The following ACTN3 variants were observed in gnomAD, a reference collection of about 807,000 sequenced individuals.
ACTN3 encodes the protein actinin alpha 3, also known as alpha-actinin-3.
In ACTN3, 91 loss-of-function variants were observed where a neutral mutation model predicts 119.6. That is an observed-to-expected ratio of 0.76 (90% CI 0.64 to 0.91). The LOEUF (loss-of-function observed/expected upper bound fraction) is 0.91. ACTN3 is among the 40% of genes least tolerant of loss of function. The pLI, the probability that ACTN3 is intolerant of heterozygous loss-of-function variation, is 0.00. For synonymous variants in ACTN3, 456 were observed against 478.8 expected, an observed-to-expected ratio of 0.95 and a Z score of 0.62; for missense variants, 1,221 against 1,215.1, an observed-to-expected ratio of 1.00 and a Z score of -0.07.
Position 66,558,190 on chromosome 11 carries a change from T to A in ACTN3, c.1276+16T>A. ...TGGACCCGGGGTAGGTAGACCTACC[T>A]CATGGGGCTGGACTGTCTCTTGGGG... On this transcript the variant is annotated intron_variant, in intron 11 of 20. Transcript: ENST00000513398. The A allele has an allele frequency of 6.2e-7, 1 of 1,611,074 alleles. No homozygotes were observed. The highest frequency in any genetic ancestry group is 8.5e-7 in the Non-Finnish European group (1 of 1,179,766).
At chr11:66,562,682 T>C in intron 19 of ACTN3, 114 bp from the exon 20 acceptor site, 1 of 1,218,380 alleles carries the variant, frequency 8.2e-7, no homozygotes, top group Non-Finnish European at 1.2e-6. Context: ...GGAAGGGAAC[T>C]CCCTTGTTAC....
intron 3 of ACTN3, 89 bp downstream of exon 3, chr11:66,551,736 T>A: frequency 1.9e-6 from 3 of 1,552,272 alleles, no homozygotes; most frequent in Non-Finnish European, 2.6e-6. Flanking sequence ...AGTTTCCTCA[T>A]CTCAGCAATG....
rs769295218 is a variant in ACTN3 at position 66,561,535 on chromosome 11, C to G, written c.2073C>G (p.Asn691Lys). The change falls in exon 17 of 21, where the codon AAC becomes AAG. Residue 691 changes from asparagine to lysine, a missense_variant. Transcript: ENST00000513398. Reference protein sequence around the residue: ...QMAGLRQQEQNIINYKTNIDR... With the variant: ...QMAGLRQQEQKIINYKTNIDR... ...CTGGGCTACGGCAGCAGGAGCAGAA[C>G]ATTATCAACTACAAGACTAACATTG... 21 of 1,610,770 alleles carry G rather than the reference C, an allele frequency of 1.3e-5. No individual in the cohort carries two copies. The highest frequency in any genetic ancestry group is 1.8e-5 in the Non-Finnish European group (21 of 1,178,586).
At position 66,561,503 on chromosome 11, in the gene ACTN3, C is replaced by A; in HGVS notation, c.2041C>A (p.Gln681Lys). 6.2e-7 allele frequency: 1 copy of A among 1,605,026 alleles called. No individual in the cohort carries two copies. Among genetic ancestry groups the A allele is most frequent in the Non-Finnish European group, 8.5e-7 (1 of 1,175,934 alleles). The change falls in exon 17 of 21, where the codon CAG (glutamine) becomes AAG (lysine). Residue 681 changes from glutamine to lysine, a missense_variant. By Grantham distance (53) the Gln-to-Lys change is moderately conservative. Transcript: ENST00000513398. ...AGGGCTAGCTGGCTCTCTGGAGGAG[C>A]AGATGGCTGGGCTACGGCAGCAGGA... is the stretch of plus-strand genomic sequence containing the variant. ...AAGLAGSLEE[Q>K]MAGLRQQEQN...
rs757904238 is a variant in ACTN3, at chr11:66,562,067, A to G, written c.2221A>G (p.Thr741Ala). Residue 741 changes from threonine to alanine, a missense_variant, in exon 18 of 21, where the codon ACC becomes GCC. By Grantham distance (58) the Thr-to-Ala change is moderately conservative. This residue lies in a region of ACTN3 where 934 missense variants were observed against 899.9 expected (regional missense o/e 1.04). Coordinates refer to ENST00000513398, the MANE Select transcript of ACTN3 (RefSeq NM_001104.4). ...WEQLLTSIAR[T>A]INEVENQVLT... ...GCAGCTGCTCACCTCCATTGCCCGC[A>G]CCATCAATGAAGTGGAGAACCAGGT... The G allele has an allele frequency of 6.2e-7, 1 of 1,613,678 alleles. No individual in the cohort carries two copies. The highest frequency in any genetic ancestry group is 8.5e-7 in the Non-Finnish European group (1 of 1,179,854).
At chr11:66,552,114 T>G (rs576098849) in intron 3 of ACTN3, among the ~76,000 whole-genome samples, 2 of 149,734 alleles carry the variant, frequency 1.3e-5, no homozygotes, top group Admixed American at 1.3e-4. Context: ...GCCTGGTGGC[T>G]CACACCTGTA....
upstream of ACTN3, chr11:66,546,475 A>G: frequency 6.7e-7 from 1 of 1,501,062 alleles, no homozygotes; most frequent in South Asian, 1.2e-5. Flanking sequence ...GAAAACATGC[A>G]AAACAGCTCG....
At chr11:66,562,749 C>T in intron 19 of ACTN3, 47 bp from the exon 20 acceptor site, 1 of 1,550,420 alleles carries the variant, frequency 6.4e-7, no homozygotes, top group Non-Finnish European at 8.7e-7. Flanking sequence ...GGGAGCCCTC[C>T]TGGCTTTAGT....
At chr11:66,551,742 C>A in intron 3 of ACTN3, 95 bp downstream of exon 3, 1 of 1,523,690 alleles carries the variant, frequency 6.6e-7, no homozygotes, top group Non-Finnish European at 8.9e-7. Context: ...CTCATCTCAG[C>A]AATGAGAATA....
chr11:66,557,635 G>T, intron 9 of ACTN3, 64 bp from the exon 10 acceptor site: 1 of 1,525,002 alleles, frequency 6.6e-7, no homozygotes, highest in Non-Finnish European at 8.9e-7. Context: ...TGGGTGGAGA[G>T]GGGTGGGTGA....
At position 66,560,306 on chromosome 11, in the gene ACTN3, A is replaced by C; in HGVS notation, c.1672A>C (p.Thr558Pro). The change falls in exon 14 of 21, where the codon ACC (threonine) becomes CCC (proline). Residue 558 changes from threonine to proline, a missense_variant. Physicochemically the swap from Thr to Pro is conservative, Grantham distance 38. Coordinates refer to ENST00000513398, the MANE Select transcript of ACTN3 (RefSeq NM_001104.4). ...GTGGCTGGTACACTCTGTGGAGGAG[A>C]CCCAGGTGGGTGCCAGGGTTGCAGG... ...DVWLVHSVEETQSLLTAHDQF... is the reference protein window; with the variant it reads ...DVWLVHSVEEPQSLLTAHDQF... 4 of 1,612,128 alleles carry C rather than the reference A, an allele frequency of 2.5e-6. No homozygotes were observed. The highest frequency in any genetic ancestry group is 3.4e-6 in the Non-Finnish European group (4 of 1,179,046).
rs1263806195 is a variant in ACTN3, at chr11:66,555,126, C to A, written c.558-4C>A. 6.2e-7 allele frequency: 1 copy of A among 1,613,928 alleles called. No individual in the cohort carries two copies. The highest frequency in any genetic ancestry group is 8.5e-7 in the Non-Finnish European group (1 of 1,179,916). The stretch of plus-strand genomic sequence containing the variant: ...GGCCTGACCCCCCTCTTCTCTCTGT[C>A]CAGCTGGAAGGATGGCCTGGCCCTC... On this transcript the variant is annotated splice_polypyrimidine_tract_variant and splice_region_variant and intron_variant, in intron 5 of 20. Coordinates refer to ENST00000513398, the MANE Select transcript of ACTN3 (RefSeq NM_001104.4).
At position 66,563,306 on chromosome 11, in the gene ACTN3, A is replaced by AG. The variant is rs991288312; in HGVS notation, c.*113_*114insG. The stretch of plus-strand genomic sequence containing the variant: ...AGAAAAGCCAGCCAAGTGCTTCTGA[A>AG]TAAAGATCCCTCTCTGGGTCTCTCC... On this transcript the variant is annotated 3_prime_UTR_variant, in exon 21 of 21. Transcript: ENST00000513398. The AG allele has an allele frequency of 7.6e-7, 1 of 1,319,400 alleles. No individual in the cohort carries two copies. Among genetic ancestry groups the AG allele is most frequent in the Non-Finnish European group, 1.0e-6 (1 of 986,142 alleles). 81.7% of individuals were successfully genotyped at this position (1,319,400 alleles called of 1,614,324 possible). A position where few individuals can be genotyped will look rare whatever the true frequency, so the allele number is the denominator to read the frequency against.
rs1857630071 is a variant in ACTN3, at chr11:66,557,882, C to T, written c.1081C>T (p.Leu361Phe). The T allele has an allele frequency of 6.2e-7, 1 of 1,614,128 alleles. No individual in the cohort carries two copies. ...NFNTLQTKLR[L>F]SHRPAFMPSE... ...CAACACACTGCAGACCAAGTTGCGG[C>T]TCAGCCACCGGCCTGCCTTCATGCC... The change falls in exon 10 of 21, where the codon CTC becomes TTC. Residue 361 changes from leucine to phenylalanine, a missense_variant. By Grantham distance (22) the Leu-to-Phe change is conservative (BLOSUM62 0). This residue lies in a region of ACTN3 where 934 missense variants were observed against 899.9 expected (regional missense o/e 1.04). Coordinates refer to ENST00000513398, the MANE Select transcript of ACTN3 (RefSeq NM_001104.4).
intron 3 of ACTN3, among the ~76,000 whole-genome samples, 181 bp from the exon 4 acceptor site, chr11:66,553,853 CAAAAAAAAAAA>C (rs11448724): frequency 1.2e-5 from 1 of 81,776 alleles, no homozygotes; most frequent in Non-Finnish European, 2.4e-5. Context: ...GACTCCATCT[CAAAAAAAAAAA>C]AAAAAAAGAA....
rs1022349869 is a variant in ACTN3, at chr11:66,556,134, T to C, written c.719-11T>C. 1.2e-6 allele frequency: 2 copies of C among 1,609,744 alleles called. No homozygotes were observed. The highest frequency in any genetic ancestry group is 1.7e-6 in the Non-Finnish European group (2 of 1,177,792). ...GCTTTGGCCAGTAGACACCGTGCTG[T>C]CCTCCCCTAGACATTGTGAACACCC... On this transcript the variant is annotated splice_polypyrimidine_tract_variant and intron_variant, in intron 7 of 20. Transcript: ENST00000513398.
intron 3 of ACTN3, among the ~76,000 whole-genome samples, chr11:66,552,996 C>T (rs931776029): frequency 2.6e-5 from 4 of 151,958 alleles, no homozygotes; most frequent in Non-Finnish European, 4.4e-5. Flanking sequence ...ATGGCTTACA[C>T]CTGTAACCCC....
In ACTN3 at chr11:66,559,328, G is replaced by T. The variant is rs1397310837; in HGVS notation, c.1369G>T (p.Asp457Tyr). Reference sequence around the variant, plus strand: ...GCGGCGCCACGAGGCCTTTGAGAGCGACCTGGCGGCGCACCAGGACCGCGT... The same window carrying T: ...GCGGCGCCACGAGGCCTTTGAGAGCTACCTGGCGGCGCACCAGGACCGCGT... ...LLRRHEAFES[D>Y]LAAHQDRVEH... The change falls in exon 12 of 21, where the codon GAC becomes TAC. Residue 457 changes from aspartate (D) to tyrosine (Y), a missense_variant. Coordinates refer to ENST00000513398, the MANE Select transcript of ACTN3 (RefSeq NM_001104.4). 5 of 1,575,952 alleles carry T rather than the reference G, an allele frequency of 3.2e-6. No individual in the cohort carries two copies. The highest frequency in any genetic ancestry group is 1.8e-5 in the Admixed American group (1 of 55,426).
intron 8 of ACTN3, among the ~76,000 whole-genome samples, chr11:66,556,518 C>T (rs535785920): frequency 1.9e-4 from 29 of 152,198 alleles, no homozygotes; most frequent in Non-Finnish European, 2.9e-4. Context: ...GGCGTGATCA[C>T]GGCTCATTGC....
Sources: allele counts gnomAD v4.1 joint callset (sites outside exome capture counted in the v4.1 genomes callset), GRCh38; gene constraint gnomAD v4.1.1; regional missense constraint gnomAD v4.1.1; transcripts MANE v1.5; gene names NCBI Gene and HGNC (gene_info 2026-07-23, HGNC 2026-07-21).